The following MTUS2 variants were observed in gnomAD, a reference collection of about 807,000 sequenced individuals.
MTUS2 encodes the protein microtubule associated scaffold protein 2, also known as microtubule-associated tumor suppressor candidate 2.
MTUS2 carries 40 observed loss-of-function variants against 114.1 expected under a neutral mutation model. The observed-to-expected ratio is 0.35, with a 90% CI of 0.27 to 0.46. The LOEUF is 0.46. MTUS2 is among the 20% of genes least tolerant of loss of function. MTUS2 has a pLI of 1.00. For missense variants in MTUS2, 1,679 were observed against 1,705.4 expected, an observed-to-expected ratio of 0.98 and a Z score of 0.27; for synonymous variants, 688 against 672.0, an observed-to-expected ratio of 1.02 and a Z score of -0.37.
chr13:28,971,576 T>C (rs74041678), intron 2 of MTUS2, among the ~76,000 whole-genome samples: 17,635 of 152,218 alleles, frequency 0.12, 1,187 homozygotes, highest in African/African-American at 0.17. Context: ...TGAACAAATA[T>C]GGAAATAGCA....
intron 2 of MTUS2, among the ~76,000 whole-genome samples, chr13:28,898,677 C>T (rs1435244177): frequency 1.3e-5 from 2 of 152,202 alleles, no homozygotes; most frequent in Non-Finnish European, 1.5e-5. Context: ...AGAACTTTCT[C>T]TTTCATTTTG....
intron 9 of MTUS2, among the ~76,000 whole-genome samples, chr13:29,459,916 C>T (rs1879365764): frequency 6.6e-6 from 1 of 152,150 alleles, no homozygotes. Context: ...TTCTGTCCCT[C>T]TCTTCACTCC....
chr13:28,952,157 T>G (rs1882842059), intron 2 of MTUS2, among the ~76,000 whole-genome samples: 1 of 152,198 alleles, frequency 6.6e-6, no homozygotes, highest in Non-Finnish European at 1.5e-5. Context: ...ACGGAAGTAA[T>G]ATATATTTGC....
intron 5 of MTUS2, among the ~76,000 whole-genome samples, chr13:29,164,952 A>T (rs1893254370): frequency 6.6e-6 from 1 of 152,354 alleles, no homozygotes; most frequent in Admixed American, 6.5e-5. Flanking sequence ...GAAATATTTT[A>T]AAAATTTCTT....
intron 9 of MTUS2, among the ~76,000 whole-genome samples, chr13:29,478,300 A>G (rs1880859402): frequency 2.0e-5 from 3 of 152,116 alleles, no homozygotes; most frequent in Admixed American, 6.5e-5. Context: ...TTCTTTCCTG[A>G]TTTTCATGAC....
intron 6 of MTUS2, among the ~76,000 whole-genome samples, chr13:29,305,767 C>T (rs1036433914): frequency 1.3e-5 from 2 of 152,162 alleles, no homozygotes; most frequent in Non-Finnish European, 2.9e-5. Flanking sequence ...AGAGGAGGGA[C>T]TCCTTCCTAA....
At chr13:28,928,564 A>G (rs9579251) in intron 2 of MTUS2, among the ~76,000 whole-genome samples, 1 of 152,206 alleles carries the variant, frequency 6.6e-6, no homozygotes, top group African/African-American at 2.4e-5. Context: ...ATCTCACTTC[A>G]GTTAAAATGG....
chr13:29,454,887 T>C (rs994405244), intron 9 of MTUS2, among the ~76,000 whole-genome samples: 2 of 152,208 alleles, frequency 1.3e-5, no homozygotes, highest in Admixed American at 6.5e-5. Flanking sequence ...TGTCTTCTGC[T>C]TCTAGCCATA....
At chr13:29,120,967 T>C (rs1438331594) in intron 5 of MTUS2, among the ~76,000 whole-genome samples, 1 of 152,218 alleles carries the variant, frequency 6.6e-6, no homozygotes, top group African/African-American at 2.4e-5. Flanking sequence ...GTTTTAAAAT[T>C]GACAGTACAT....
intron 2 of MTUS2, among the ~76,000 whole-genome samples, chr13:28,942,864 T>G (rs1378750006): frequency 1.3e-5 from 2 of 152,230 alleles, no homozygotes; most frequent in African/African-American, 4.8e-5. Context: ...GGTAATGTGC[T>G]GTTTCCTGAT....
chr13:29,457,086 A>G (rs1879166102), intron 9 of MTUS2, among the ~76,000 whole-genome samples: 1 of 151,282 alleles, frequency 6.6e-6, no homozygotes, highest in South Asian at 2.1e-4. Flanking sequence ...CGGAGCTTGC[A>G]GTGAGCCGAG....
At chr13:29,471,410 C>A (rs1187008101) in intron 9 of MTUS2, among the ~76,000 whole-genome samples, 1 of 152,130 alleles carries the variant, frequency 6.6e-6, no homozygotes, top group Non-Finnish European at 1.5e-5. Flanking sequence ...GTTTGCCCGC[C>A]ATGACAGCAT....
chr13:28,872,026 T>C (rs1268354099), intron 2 of MTUS2, among the ~76,000 whole-genome samples: 1 of 152,172 alleles, frequency 6.6e-6, no homozygotes, highest in Admixed American at 6.5e-5. Flanking sequence ...TTATTCCACA[T>C]GTGGCAGGAC....
chr13:28,920,306 C>G (rs1175336230), intron 2 of MTUS2, among the ~76,000 whole-genome samples: 2 of 152,226 alleles, frequency 1.3e-5, no homozygotes, highest in African/African-American at 2.4e-5. Flanking sequence ...CACTGTGGTT[C>G]TTGCAGACAC....
intron 2 of MTUS2, among the ~76,000 whole-genome samples, chr13:28,858,493 C>T (rs892897533): frequency 1.3e-5 from 2 of 152,132 alleles, no homozygotes; most frequent in African/African-American, 2.4e-5. Flanking sequence ...GCAGGTAGGA[C>T]AGGCAGAACA....
At chr13:29,428,632 T>C (rs1876743707) in intron 8 of MTUS2, 7 of 175,864 alleles carry the variant, frequency 4.0e-5, no homozygotes, top group Non-Finnish European at 6.6e-5. Context: ...CAGCAAGATC[T>C]GATCGCTGCT....
chr13:28,894,041 C>T (rs962484079), intron 2 of MTUS2, among the ~76,000 whole-genome samples: 1 of 151,804 alleles, frequency 6.6e-6, no homozygotes, highest in Non-Finnish European at 1.5e-5. Context: ...TTTTGCTCTT[C>T]AGGGTCTGCC....
At chr13:28,990,007 T>A (rs1884760273) in intron 2 of MTUS2, among the ~76,000 whole-genome samples, 1 of 152,134 alleles carries the variant, frequency 6.6e-6, no homozygotes, top group Non-Finnish European at 1.5e-5. Flanking sequence ...TAACCAGGGC[T>A]TATATGGAAG....
chr13:29,203,086 T>G (rs1265906246), intron 5 of MTUS2, among the ~76,000 whole-genome samples: 3 of 152,208 alleles, frequency 2.0e-5, no homozygotes, highest in Non-Finnish European at 1.5e-5. Flanking sequence ...GGAACAACGT[T>G]TAAGTCTACT....
Sources: allele counts gnomAD v4.1 joint callset (sites outside exome capture counted in the v4.1 genomes callset), GRCh38; gene constraint gnomAD v4.1.1; transcripts MANE v1.5; gene names NCBI Gene and HGNC (gene_info 2026-07-23, HGNC 2026-07-21).